The following INPP5D variants were observed in gnomAD, a reference collection of about 807,000 sequenced individuals.
INPP5D encodes the protein inositol polyphosphate-5-phosphatase D, also known as phosphatidylinositol 3,4,5-trisphosphate 5-phosphatase 1.
INPP5D carries 33 observed loss-of-function variants against 122.9 expected under a neutral mutation model. The ratio of observed to expected loss-of-function variants is 0.27; its 90% CI spans 0.20 to 0.36. INPP5D has a LOEUF of 0.36. Among genes scored for constraint, INPP5D ranks in the 10% least tolerant of loss-of-function variants. The pLI, the probability that INPP5D is intolerant of heterozygous loss-of-function variation, is 1.00. For synonymous variants in INPP5D, 584 were observed against 576.2 expected (o/e 1.01, Z -0.19); for missense variants, 1,053 against 1,412.7 (o/e 0.75, Z 4.08).
intron 2 of INPP5D, among the ~76,000 whole-genome samples, chr2:233,097,801 A>C (rs1692187371): frequency 6.6e-6 from 1 of 152,128 alleles, no homozygotes; most frequent in Non-Finnish European, 1.5e-5. Context: ...ATTTAGGGAC[A>C]GGGGAGTTGT....
intron 9 of INPP5D, among the ~76,000 whole-genome samples, chr2:233,152,447 C>A (rs913030496): frequency 6.6e-6 from 1 of 152,202 alleles, no homozygotes; most frequent in Admixed American, 6.5e-5. Context: ...GAAGGTGAAC[C>A]AGCCAGCCGG....
At chr2:233,115,243 G>A (rs184125114) in intron 2 of INPP5D, among the ~76,000 whole-genome samples, 10 of 152,296 alleles carry the variant, frequency 6.6e-5, no homozygotes, top group African/African-American at 2.4e-4. Context: ...CATTTAAAAC[G>A]AAGCCTGGAA....
At chr2:233,134,111 G>C (rs1693405858) in intron 5 of INPP5D, 1 of 433,178 alleles carries the variant, frequency 2.3e-6, no homozygotes, top group African/African-American at 2.0e-5. Flanking sequence ...GTGAGGGGCT[G>C]AGTGGATGCT....
intron 25 of INPP5D, among the ~76,000 whole-genome samples, chr2:233,203,530 C>G (rs1695395222): frequency 6.6e-6 from 1 of 152,202 alleles, no homozygotes; most frequent in Non-Finnish European, 1.5e-5. Context: ...GAACACAGTA[C>G]TGTTTCCTCT....
Position 233,163,784 on chromosome 2 carries a change from G to A in INPP5D, c.1318G>A (p.Asp440Asn). Reference protein sequence around the residue: ...GQGKTRDDSADYIPHDIYVIG... With the variant: ...GQGKTRDDSANYIPHDIYVIG... ...GGGAAAGACGCGGGACGACTCTGCG[G>A]ACTACATCCCCCATGACATTTACGT... Residue 440 changes from aspartate to asparagine, a missense_variant, in exon 12 of 27, where the codon GAC becomes AAC. Asp to Asn is a conservative substitution (Grantham distance 23). Coordinates refer to ENST00000445964, the MANE Select transcript of INPP5D (RefSeq NM_001017915.3). The A allele has an allele frequency of 6.2e-7, 1 of 1,614,030 alleles. No individual in the cohort carries two copies.
chr2:233,084,187 G>A (rs1691768416), intron 2 of INPP5D, among the ~76,000 whole-genome samples: 1 of 152,212 alleles, frequency 6.6e-6, no homozygotes, highest in South Asian at 2.1e-4. Context: ...CTGAGTAGCT[G>A]AGATTACAGG....
At chr2:233,106,938 C>T (rs145873553) in intron 2 of INPP5D, among the ~76,000 whole-genome samples, 6 of 152,328 alleles carry the variant, frequency 3.9e-5, no homozygotes, top group African/African-American at 1.4e-4. Flanking sequence ...GTCAATTTTC[C>T]AGCCCTCCAT....
intron 19 of INPP5D, among the ~76,000 whole-genome samples, 190 bp downstream of exon 19, chr2:233,182,689 G>C (rs1694814419): frequency 6.6e-6 from 1 of 152,064 alleles, no homozygotes; most frequent in South Asian, 2.1e-4. Flanking sequence ...TACTTGCTCT[G>C]CTTGGCAAGT....
chr2:233,136,372 A>G (rs1693463519), intron 5 of INPP5D, among the ~76,000 whole-genome samples: 1 of 152,082 alleles, frequency 6.6e-6, no homozygotes, highest in Admixed American at 6.6e-5. Context: ...CCAGCTACTC[A>G]GGAGGCTGAG....
chr2:233,091,737 C>T (rs1376786575), intron 2 of INPP5D, among the ~76,000 whole-genome samples: 2 of 152,200 alleles, frequency 1.3e-5, no homozygotes, highest in African/African-American at 4.8e-5. Context: ...GCCACAGGTT[C>T]CAGGGATAAG....
intron 3 of INPP5D, 128 bp from the exon 4 acceptor site, chr2:233,125,617 G>C (rs774657266): frequency 1.2e-6 from 1 of 814,416 alleles, no homozygotes; most frequent in Admixed American, 2.8e-5. Flanking sequence ...GGGAGTCAGC[G>C]AGGGACACGG....
At chr2:233,132,059 T>C (rs1267693020) in intron 5 of INPP5D, among the ~76,000 whole-genome samples, 1 of 152,262 alleles carries the variant, frequency 6.6e-6, no homozygotes, top group Non-Finnish European at 1.5e-5. Flanking sequence ...CTGTAGCTAA[T>C]TGGACCTGGA....
At chr2:233,145,701 G>C (rs1208649823) in intron 6 of INPP5D, among the ~76,000 whole-genome samples, 1 of 152,016 alleles carries the variant, frequency 6.6e-6, no homozygotes, top group Non-Finnish European at 1.5e-5. Context: ...CGGGTGAGGT[G>C]GGGGGCTGCA....
At position 233,170,171 on chromosome 2, in the gene INPP5D, G is replaced by T. The variant is rs1482646731; in HGVS notation, c.1791+7G>T. On this transcript the variant is annotated splice_region_variant and intron_variant, in intron 15 of 26. Coordinates refer to ENST00000445964, the MANE Select transcript of INPP5D (RefSeq NM_001017915.3). The surrounding 1 kb of genome is among the most constrained non-coding windows in gnomAD (Gnocchi z 4.5). ...TGTGGATCTGCCTACCTGGGTAAGG[G>T]CTGCCCGCCTGGGGCTGGGGCTGGG... is the stretch of plus-strand genomic sequence containing the variant. 1 of 1,612,366 alleles carries T rather than the reference G, an allele frequency of 6.2e-7. No individual in the cohort carries two copies. The highest frequency in any genetic ancestry group is 8.5e-7 in the Non-Finnish European group (1 of 1,179,304).
intron 2 of INPP5D, among the ~76,000 whole-genome samples, chr2:233,108,572 C>T (rs1342278189): frequency 6.6e-6 from 1 of 152,144 alleles, no homozygotes; most frequent in Non-Finnish European, 1.5e-5. Flanking sequence ...TCCTTTCTCT[C>T]CCCCCAAGTG....
At position 233,182,640 on chromosome 2, in the gene INPP5D, T is replaced by C. The variant is rs183430716; in HGVS notation, c.2161+141T>C. 4.1e-5 allele frequency: 55 copies of C among 1,341,734 alleles called. No homozygotes were observed. The Middle Eastern group carries it at 1.3e-3, about 32-fold the overall frequency. The allele number at this position is 1,341,734 out of a possible 1,614,324, so 83.1% of individuals were successfully genotyped here. On this transcript the variant is annotated intron_variant, in intron 19 of 26. Coordinates refer to ENST00000445964, the MANE Select transcript of INPP5D (RefSeq NM_001017915.3). ...AAGTCCACAATATCAGTCAGTTTCTTCATGTCCCAGCCACAGCACAATTGC... is the reference window on the plus strand; with the variant it reads ...AAGTCCACAATATCAGTCAGTTTCTCCATGTCCCAGCCACAGCACAATTGC...
chr2:233,171,663 A>C (rs80106733), intron 17 of INPP5D, among the ~76,000 whole-genome samples: 5,212 of 152,302 alleles, frequency 0.034, 153 homozygotes, highest in East Asian at 0.12. Flanking sequence ...AAGATGCAAT[A>C]AAATATGTAT....
At chr2:233,096,562 G>A (rs1692148876) in intron 2 of INPP5D, among the ~76,000 whole-genome samples, 1 of 152,248 alleles carries the variant, frequency 6.6e-6, no homozygotes, top group South Asian at 2.1e-4. Context: ...TGAGGCAGGA[G>A]AATCACTTGA....
At chr2:233,141,503 G>A (rs879128075) in intron 6 of INPP5D, 21,205 of 151,726 alleles carry the variant, frequency 0.14, 2,416 homozygotes, top group East Asian at 0.49. Flanking sequence ...GGAGGTGGAC[G>A]TTGCAGTGAG....
Sources: gnomAD v4.1 joint callset for allele counts (sites outside exome capture counted in the v4.1 genomes callset) on GRCh38, gnomAD v4.1.1 for gene constraint, Gnocchi (gnomAD v3.1) non-coding constraint, MANE v1.5 for transcripts, NCBI Gene and HGNC (gene_info 2026-07-23, HGNC 2026-07-21) for gene names.